The following CHST15 variants were observed in gnomAD, a reference collection of about 807,000 sequenced individuals.
CHST15 encodes the protein carbohydrate sulfotransferase 15.
CHST15 carries 30 observed loss-of-function variants against 53.6 expected under a neutral mutation model. That is an observed-to-expected ratio of 0.56 (90% CI 0.42 to 0.76). The LOEUF (loss-of-function observed/expected upper bound fraction) is 0.76, where lower values mean the gene tolerates loss of function less well. Ranked by LOEUF, CHST15 falls within the 30% of genes least tolerant of loss-of-function variation. The probability of loss-of-function intolerance (pLI) is 0.00; values close to 1 mark genes in which losing one functional copy is unlikely to be tolerated. For missense variants in CHST15, 627 were observed against 740.5 expected, an observed-to-expected ratio of 0.85 and a Z score of 1.78; for synonymous variants, 296 against 289.8, an observed-to-expected ratio of 1.02 and a Z score of -0.22.
intron 2 of CHST15, 149 bp downstream of exon 2, chr10:124,045,518 C>G: frequency 5.9e-6 from 5 of 843,226 alleles, no homozygotes; most frequent in Non-Finnish European, 7.5e-6. Flanking sequence ...TCAGTGCATT[C>G]AAATCCATAA....
At chr10:124,080,441 T>C (rs748368045) in intron 1 of CHST15, among the ~76,000 whole-genome samples, 5 of 152,198 alleles carry the variant, frequency 3.3e-5, no homozygotes, top group African/African-American at 4.8e-5. Flanking sequence ...CCCTTATGCC[T>C]GTCTATTCTC....
chr10:124,066,533 G>T (rs1948754801), intron 1 of CHST15, among the ~76,000 whole-genome samples: 1 of 151,806 alleles, frequency 6.6e-6, no homozygotes, highest in Admixed American at 6.6e-5. Context: ...CATAAGCTGG[G>T]ATTATTTTCC....
intron 1 of CHST15, among the ~76,000 whole-genome samples, chr10:124,053,436 C>T (rs555659383): frequency 2.0e-5 from 3 of 152,172 alleles, no homozygotes; most frequent in East Asian, 1.9e-4. Flanking sequence ...AGCCAATACC[C>T]GCTGGATCCC....
At chr10:124,020,381 G>C in intron 6 of CHST15, 1 of 985,500 alleles carries the variant, frequency 1.0e-6, no homozygotes, top group Non-Finnish European at 1.2e-6. Flanking sequence ...GGTTACCTGT[G>C]TCCCTGTGGC....
intron 1 of CHST15, among the ~76,000 whole-genome samples, chr10:124,053,682 C>G (rs1948282920): frequency 6.6e-6 from 1 of 152,012 alleles, no homozygotes; most frequent in Non-Finnish European, 1.5e-5. Flanking sequence ...CATCCCAGCA[C>G]TAGGCAGGCG....
intron 1 of CHST15, among the ~76,000 whole-genome samples, chr10:124,071,070 TTGATTTGATC>T (rs1948898434): frequency 6.6e-6 from 1 of 152,210 alleles, no homozygotes. Flanking sequence ...TCAATTTGAT[TTGATTTGATC>T]TGATTCTAAC....
At chr10:124,029,207 A>T (rs1388374498) in intron 5 of CHST15, among the ~76,000 whole-genome samples, 1 of 152,222 alleles carries the variant, frequency 6.6e-6, no homozygotes, top group Non-Finnish European at 1.5e-5. Flanking sequence ...AATGTAGCTG[A>T]GACGGAGCCC....
intron 1 of CHST15, among the ~76,000 whole-genome samples, chr10:124,083,208 G>A (rs1330337053): frequency 1.3e-5 from 2 of 151,960 alleles, no homozygotes; most frequent in Admixed American, 6.6e-5. Context: ...CATGTCCTTC[G>A]GCACTTCTGC....
rs900703949 is a variant in CHST15, at chr10:124,044,101, A to G, written c.886+479T>C. Among the ~76,000 whole-genome samples, 324 of 147,432 alleles carry G rather than the reference A, an allele frequency of 2.2e-3. 1 individual carries two copies. Among genetic ancestry groups the G allele is most frequent in the African/African-American group, 7.5e-3 (297 of 39,528 alleles). On this transcript the variant is annotated intron_variant, in intron 3 of 7. Transcript: ENST00000435907. ...AGCAGGGAGCGGCACAGAGCAGGGA[A>G]CGGCACAGAGCAGAGGAACGGCACA...
At position 124,061,813 on chromosome 10, in the gene CHST15, C is replaced by T. The variant is rs1005980217; in HGVS notation, c.-512-15089G>A. Among the ~76,000 whole-genome samples the T allele has an allele frequency of 2.6e-5, 4 of 152,290 alleles. No homozygotes were observed. The Middle Eastern group carries it at 0.01, about 388-fold the overall frequency. On this transcript the variant is annotated intron_variant, in intron 1 of 7. Coordinates refer to ENST00000435907, the MANE Select transcript of CHST15 (RefSeq NM_001270764.2). ...TCTTTATCTGTTGAAAATGCATGCA[C>T]TCCTTGCCTCCCTCGTCAGATCAGG...
intron 1 of CHST15, among the ~76,000 whole-genome samples, chr10:124,069,676 G>T (rs1225907862): frequency 6.6e-6 from 1 of 152,160 alleles, no homozygotes; most frequent in Non-Finnish European, 1.5e-5. Flanking sequence ...GCAGAGCAGG[G>T]GACCCAGAAA....
At chr10:124,048,687 G>A (rs1045307312) in intron 1 of CHST15, among the ~76,000 whole-genome samples, 2 of 152,286 alleles carry the variant, frequency 1.3e-5, no homozygotes, top group Non-Finnish European at 2.9e-5. Flanking sequence ...GCCAAGCCGG[G>A]GTTAAAAATG....
In CHST15 at chr10:124,024,992, C is replaced by T. The variant is rs1946940477; in HGVS notation, c.1191-3580G>A. ...TTACCAAAGATGCCCACAGAACTAC[C>T]CAAATTGTTTGGTGGAACTGGAATT... On this transcript the variant is annotated intron_variant, in intron 5 of 7. Transcript: ENST00000435907. This position sits in a 1 kb window ranked among gnomAD's most constrained non-coding sequence, Gnocchi z 4.0. Among the ~76,000 whole-genome samples the T allele has an allele frequency of 6.6e-6, 1 of 152,188 alleles. No individual in the cohort carries two copies. The highest frequency in any genetic ancestry group is 6.5e-5 in the Admixed American group (1 of 15,280).
At chr10:124,055,006 C>A (rs1326165427) in intron 1 of CHST15, among the ~76,000 whole-genome samples, 2 of 152,162 alleles carry the variant, frequency 1.3e-5, no homozygotes, top group Non-Finnish European at 2.9e-5. Flanking sequence ...TGGCCCTCCT[C>A]AGCACAGCCT....
At chr10:124,049,662 C>A (rs1160190096) in intron 1 of CHST15, among the ~76,000 whole-genome samples, 1 of 152,198 alleles carries the variant, frequency 6.6e-6, no homozygotes, top group African/African-American at 2.4e-5. Context: ...GCTCCACACA[C>A]CCTCCTCCAC....
intron 1 of CHST15, among the ~76,000 whole-genome samples, chr10:124,055,064 A>G (rs887668655): frequency 6.6e-6 from 1 of 152,162 alleles, no homozygotes; most frequent in Non-Finnish European, 1.5e-5. Context: ...TTCACAAAGT[A>G]ACCCTTCTCT....
intron 5 of CHST15, among the ~76,000 whole-genome samples, chr10:124,032,272 G>A (rs796130391): frequency 1.8e-4 from 28 of 152,250 alleles, no homozygotes; most frequent in African/African-American, 6.5e-4. Flanking sequence ...CCTTCCCTTT[G>A]GACTCATCAT....
intron 1 of CHST15, among the ~76,000 whole-genome samples, chr10:124,084,650 A>T (rs1297394981): frequency 2.0e-5 from 3 of 152,218 alleles, no homozygotes; most frequent in African/African-American, 7.2e-5. Flanking sequence ...AAGACACCAC[A>T]CAGAGGCCTT....
At chr10:124,022,048 C>T (rs968076274) in intron 5 of CHST15, among the ~76,000 whole-genome samples, 8 of 152,240 alleles carry the variant, frequency 5.3e-5, no homozygotes, top group Admixed American at 3.3e-4. Context: ...ACCACACACA[C>T]GTATGGCAGA....
Sources: gnomAD v4.1 joint callset for allele counts (sites outside exome capture counted in the v4.1 genomes callset) on GRCh38, gnomAD v4.1.1 for gene constraint, Gnocchi (gnomAD v3.1) non-coding constraint, MANE v1.5 for transcripts, NCBI Gene and HGNC (gene_info 2026-07-23, HGNC 2026-07-21) for gene names.